GRIP1: variants seen among roughly 807,000 people sequenced by gnomAD.
GRIP1 encodes glutamate receptor interacting protein 1.
In GRIP1, 45 loss-of-function variants were observed where a neutral mutation model predicts 129.9. The ratio of observed to expected loss-of-function variants is 0.35; its 90% confidence interval spans 0.27 to 0.44. GRIP1 has a LOEUF of 0.44. GRIP1 is among the 20% of genes least tolerant of loss of function. GRIP1 has a pLI of 1.00. For missense variants in GRIP1, 1,196 were observed against 1,396.8 expected, an observed-to-expected ratio of 0.86 and a Z score of 2.29; for synonymous variants, 530 against 520.8, an observed-to-expected ratio of 1.02 and a Z score of -0.24.
intron 1 of GRIP1, among the ~76,000 whole-genome samples, chr12:67,019,621 A>G (rs2042836974): frequency 6.6e-6 from 1 of 152,192 alleles, no homozygotes; most frequent in South Asian, 2.1e-4. Flanking sequence ...ATCTAGAAAA[A>G]TTGTTAATAT....
At chr12:66,493,038 C>G (rs1017615455) in intron 7 of GRIP1, among the ~76,000 whole-genome samples, 2 of 105,860 alleles carry the variant, frequency 1.9e-5, no homozygotes, top group African/African-American at 6.8e-5. Context: ...ATTAGGTGGG[C>G]TAGAATGGTG....
At chr12:66,531,208 C>A (rs1218884165) in intron 4 of GRIP1, among the ~76,000 whole-genome samples, 2 of 141,918 alleles carry the variant, frequency 1.4e-5, no homozygotes, top group African/African-American at 5.1e-5. Context: ...TGCACTCCAG[C>A]CTGGGTGACA....
At chr12:66,451,029 G>A (rs1015640542) in intron 11 of GRIP1, among the ~76,000 whole-genome samples, 2 of 152,136 alleles carry the variant, frequency 1.3e-5, no homozygotes, top group Non-Finnish European at 2.9e-5. Flanking sequence ...TACCGGCTTT[G>A]GCTGAGGCTT....
intron 1 of GRIP1, among the ~76,000 whole-genome samples, chr12:66,676,304 T>C (rs1747692375): frequency 2.0e-5 from 3 of 152,084 alleles, no homozygotes; most frequent in Admixed American, 1.3e-4. Context: ...TTGTAGAAAA[T>C]TGTTTCCCTT....
chr12:66,763,602 C>T (rs1415799790), intron 1 of GRIP1, among the ~76,000 whole-genome samples: 2 of 151,964 alleles, frequency 1.3e-5, no homozygotes, highest in East Asian at 1.9e-4. Flanking sequence ...ACTGTGAGGA[C>T]GATCACTGAA....
intron 1 of GRIP1, among the ~76,000 whole-genome samples, chr12:66,930,055 C>CTCTCTTT (rs67075541): frequency 1.6e-5 from 2 of 128,760 alleles, no homozygotes; most frequent in South Asian, 2.6e-4. Flanking sequence ...CTCTCTCTCT[C>CTCTCTTT]TTTTTTTTTT....
chr12:66,875,976 C>T (rs1242062723), intron 1 of GRIP1, among the ~76,000 whole-genome samples: 2 of 151,926 alleles, frequency 1.3e-5, no homozygotes, highest in African/African-American at 2.4e-5. Flanking sequence ...TTATCCTGTA[C>T]CAATGTAAAA....
At chr12:66,725,673 T>C (rs1205624334) in intron 1 of GRIP1, among the ~76,000 whole-genome samples, 1 of 152,160 alleles carries the variant, frequency 6.6e-6, no homozygotes, top group Non-Finnish European at 1.5e-5. Context: ...TCTCAAACTT[T>C]TGACTACACT....
In GRIP1 at chr12:67,061,252, C is replaced by A. The variant is rs117251311; in HGVS notation, c.58+7798G>T. ...CATCCAGAGATGGCCTGCTAATAGG[C>A]AAATGTACCTGAAGACCCTCTGTCT... On this transcript the variant is annotated intron_variant, in intron 1 of 1. Transcript: ENST00000643019. 8.6e-3 allele frequency among the ~76,000 whole-genome samples: 1,305 copies of A among 152,302 alleles called. 9 individuals carry two copies. Among genetic ancestry groups the A allele is most frequent in the Middle Eastern group, 0.034 (10 of 294 alleles).
At chr12:66,882,968 C>T (rs1040756293) in intron 1 of GRIP1, among the ~76,000 whole-genome samples, 7 of 152,104 alleles carry the variant, frequency 4.6e-5, no homozygotes, top group African/African-American at 1.7e-4. Context: ...GGAAGAAAAA[C>T]CACACAAGCA....
intron 1 of GRIP1, among the ~76,000 whole-genome samples, chr12:66,684,836 C>T (rs190676224): frequency 1.8e-3 from 267 of 152,206 alleles, no homozygotes; most frequent in Non-Finnish European, 1.9e-3. Context: ...CAGAGCAAGA[C>T]TCTGTCGAAA....
intron 5 of GRIP1, among the ~76,000 whole-genome samples, chr12:66,528,147 T>TTTTTTTTTTG (rs1354644592): frequency 2.7e-5 from 4 of 148,124 alleles, no homozygotes; most frequent in African/African-American, 1.0e-4. Flanking sequence ...TTTTTTTTTT[T>TTTTTTTTTTG]TTTTTGAGAT....
At chr12:66,843,440 G>T (rs2039756498) in intron 1 of GRIP1, among the ~76,000 whole-genome samples, 1 of 152,008 alleles carries the variant, frequency 6.6e-6, no homozygotes, top group Non-Finnish European at 1.5e-5. Flanking sequence ...TTTTAGCATG[G>T]ATTTTTTGGT....
chr12:67,014,075 T>C (rs1350221548), intron 1 of GRIP1, among the ~76,000 whole-genome samples: 1 of 152,190 alleles, frequency 6.6e-6, no homozygotes, highest in East Asian at 1.9e-4. Context: ...AAAGATAATC[T>C]GTACACATGG....
chr12:66,965,802 T>G (rs746347849), intron 1 of GRIP1, among the ~76,000 whole-genome samples: 1 of 152,128 alleles, frequency 6.6e-6, no homozygotes, highest in African/African-American at 2.4e-5. Context: ...GCAAGACTCA[T>G]CCTCTTAATG....
At chr12:66,441,101 C>T (rs992469546) in intron 13 of GRIP1, among the ~76,000 whole-genome samples, 23 of 152,202 alleles carry the variant, frequency 1.5e-4, no homozygotes, top group African/African-American at 5.6e-4. Flanking sequence ...AATCTGACTT[C>T]CGCCCCTACT....
chr12:66,642,530 G>A (rs990848703), intron 1 of GRIP1, among the ~76,000 whole-genome samples: 1 of 152,126 alleles, frequency 6.6e-6, no homozygotes, highest in Non-Finnish European at 1.5e-5. Context: ...CAGGATGACG[G>A]GGAGCCATCA....
intron 1 of GRIP1, among the ~76,000 whole-genome samples, chr12:66,866,885 T>C (rs1411430137): frequency 6.6e-6 from 1 of 152,220 alleles, no homozygotes; most frequent in African/African-American, 2.4e-5. Flanking sequence ...CATCCCACAA[T>C]GTATATATAC....
rs1335572553 is a variant in GRIP1, at chr12:66,363,175, A to G, written c.3012+8519T>C. 1.3e-4 allele frequency among the ~76,000 whole-genome samples: 5 copies of G among 37,662 alleles called. 1 individual carries two copies. The Admixed American group carries it at 1.9e-3, about 14-fold the overall frequency. 24.7% of individuals were successfully genotyped at this position (37,662 alleles called of 152,430 possible). A position where few individuals can be genotyped will look rare whatever the true frequency, so the allele number is the denominator to read the frequency against. ...TATATACATATATATACACACACAT[A>G]TATGTATATATGTGTGTGTGTGTCC... On this transcript the variant is annotated intron_variant, in intron 23 of 24. Transcript: ENST00000359742.
Sources: gnomAD v4.1 joint callset for allele counts (sites outside exome capture counted in the v4.1 genomes callset) on GRCh38, gnomAD v4.1.1 for gene constraint, MANE v1.5 for transcripts, NCBI Gene and HGNC (gene_info 2026-07-23, HGNC 2026-07-21) for gene names.